The following CRIM1 variants were observed in gnomAD, a reference collection of about 807,000 sequenced individuals.
CRIM1 encodes the protein cysteine-rich motor neuron 1 protein.
Under a neutral mutation model 116.4 loss-of-function variants are expected in CRIM1, and 32 were observed. The ratio of observed to expected loss-of-function variants is 0.27; its 90% CI spans 0.21 to 0.37. The LOEUF (loss-of-function observed/expected upper bound fraction) is 0.37, where lower values mean the gene tolerates loss of function less well. Among genes scored for constraint, CRIM1 ranks in the 10% least tolerant of loss-of-function variants. The pLI is 1.00. For synonymous variants in CRIM1, 590 were observed against 509.2 expected (o/e 1.16, Z -2.13); for missense variants, 1,331 against 1,354.8 (o/e 0.98, Z 0.28).
chr2:36,390,006 T>C (rs1373080884), intron 1 of CRIM1, among the ~76,000 whole-genome samples: 3 of 152,156 alleles, frequency 2.0e-5, no homozygotes, highest in Non-Finnish European at 2.9e-5. Context: ...GTGCCCACTT[T>C]CCTGCCCTCA....
intron 1 of CRIM1, among the ~76,000 whole-genome samples, chr2:36,393,616 C>T (rs1172411348): frequency 6.6e-6 from 1 of 151,944 alleles, no homozygotes; most frequent in African/African-American, 2.4e-5. Flanking sequence ...CAGATGTTTG[C>T]GGGAGCATAG....
chr2:36,472,585 T>C (rs1678617027), intron 5 of CRIM1, among the ~76,000 whole-genome samples: 1 of 152,172 alleles, frequency 6.6e-6, no homozygotes, highest in South Asian at 2.1e-4. Flanking sequence ...ACAAGTCCAC[T>C]TGAAGCAGCT....
At chr2:36,535,916 G>C (rs1279817117) in intron 13 of CRIM1, among the ~76,000 whole-genome samples, 2 of 152,234 alleles carry the variant, frequency 1.3e-5, no homozygotes, top group African/African-American at 4.8e-5. Context: ...AGGGGGATGT[G>C]AGTAGGTATA....
intron 2 of CRIM1, among the ~76,000 whole-genome samples, chr2:36,421,008 C>T (rs1674018310): frequency 6.6e-6 from 1 of 152,194 alleles, no homozygotes; most frequent in Non-Finnish European, 1.5e-5. Flanking sequence ...GCAGCTGAGA[C>T]CTCTACGTGA....
chr2:36,437,428 T>C (rs1675404317), intron 2 of CRIM1, among the ~76,000 whole-genome samples: 2 of 151,532 alleles, frequency 1.3e-5, no homozygotes, highest in Admixed American at 1.3e-4. Flanking sequence ...AAGGCCAACA[T>C]AAAAAGAGAG....
At chr2:36,512,516 G>A (rs1664758016) in intron 10 of CRIM1, 122 bp downstream of exon 10, 1 of 1,074,716 alleles carries the variant, frequency 9.3e-7, no homozygotes, top group Non-Finnish European at 1.3e-6. Flanking sequence ...ACAAATGTCA[G>A]TCTCTGTGGG....
At chr2:36,545,067 T>C (rs941798955) in intron 15 of CRIM1, among the ~76,000 whole-genome samples, 1 of 152,222 alleles carries the variant, frequency 6.6e-6, no homozygotes, top group African/African-American at 2.4e-5. Flanking sequence ...GCTGTCACTA[T>C]TTCCTTTTCT....
intron 1 of CRIM1, 47 bp from the exon 2 acceptor site, chr2:36,396,567 G>C (rs1353371812): frequency 7.3e-7 from 1 of 1,372,386 alleles, no homozygotes; most frequent in Non-Finnish European, 9.9e-7. Context: ...ACAGGCCTTT[G>C]AATGAAGCTG....
At chr2:36,494,450 T>C (rs530147509) in intron 7 of CRIM1, among the ~76,000 whole-genome samples, 5 of 152,344 alleles carry the variant, frequency 3.3e-5, no homozygotes, top group Admixed American at 3.3e-4. Context: ...TGTGTTTGTG[T>C]ATGTTATTGC....
At chr2:36,359,360 CTGTT>C (rs1403719517) in intron 1 of CRIM1, among the ~76,000 whole-genome samples, 1 of 152,218 alleles carries the variant, frequency 6.6e-6, no homozygotes, top group African/African-American at 2.4e-5. Flanking sequence ...ATTATATTCT[CTGTT>C]TGCCAACTTG....
At chr2:36,486,343 G>T (rs977599314) in intron 7 of CRIM1, among the ~76,000 whole-genome samples, 2 of 152,172 alleles carry the variant, frequency 1.3e-5, no homozygotes, top group Non-Finnish European at 2.9e-5. Flanking sequence ...TAGGAGTTCT[G>T]CTGCTGGTTC....
intron 2 of CRIM1, among the ~76,000 whole-genome samples, chr2:36,438,368 A>G (rs549997750): frequency 1.3e-5 from 2 of 152,354 alleles, no homozygotes; most frequent in Non-Finnish European, 2.9e-5. Context: ...TAATTATAAA[A>G]CAATGTGTTT....
At chr2:36,540,539 G>A (rs945737157) in intron 14 of CRIM1, among the ~76,000 whole-genome samples, 3 of 152,056 alleles carry the variant, frequency 2.0e-5, no homozygotes, top group Non-Finnish European at 4.4e-5. Flanking sequence ...GTCAAGGCCA[G>A]TGCCTCTGGA....
intron 4 of CRIM1, among the ~76,000 whole-genome samples, chr2:36,456,785 C>A (rs946940801): frequency 6.6e-6 from 1 of 152,134 alleles, no homozygotes; most frequent in Non-Finnish European, 1.5e-5. Context: ...CTCCACCCCC[C>A]CACCACCCAC....
At chr2:36,446,713 G>A (rs1318867108) in intron 4 of CRIM1, among the ~76,000 whole-genome samples, 1 of 151,756 alleles carries the variant, frequency 6.6e-6, no homozygotes, top group Non-Finnish European at 1.5e-5. Flanking sequence ...TTGGCATGAA[G>A]ACATGATATG....
intron 4 of CRIM1, among the ~76,000 whole-genome samples, chr2:36,450,049 T>C (rs981577693): frequency 1.3e-5 from 2 of 152,204 alleles, no homozygotes; most frequent in Non-Finnish European, 2.9e-5. Flanking sequence ...CCTTTTTTTT[T>C]TCTTTACATC....
intron 1 of CRIM1, among the ~76,000 whole-genome samples, chr2:36,363,589 A>G (rs1669387937): frequency 7.3e-6 from 1 of 137,186 alleles, no homozygotes; most frequent in South Asian, 2.5e-4. Flanking sequence ...CAAAGTTTGT[A>G]TATTTTGAGT....
At chr2:36,498,573 C>T (rs1558372022) in intron 7 of CRIM1, among the ~76,000 whole-genome samples, 3 of 152,130 alleles carry the variant, frequency 2.0e-5, no homozygotes, top group Admixed American at 2.0e-4. Context: ...TTGTTTAGTG[C>T]CCTTATTCCC....
In CRIM1 at chr2:36,375,985, T is replaced by C. The variant is rs560779917; in HGVS notation, c.331+19362T>C. 2.0e-5 allele frequency among the ~76,000 whole-genome samples: 3 copies of C among 152,248 alleles called. No homozygotes were observed. In the South Asian group the frequency reaches 6.2e-4, roughly 32 times the overall value. On this transcript the variant is annotated intron_variant, in intron 1 of 16. Coordinates refer to ENST00000280527, the MANE Select transcript of CRIM1 (RefSeq NM_016441.3). ...ATTTGGCACCCACCATAACCACCAC[T>C]ACCAAAATATGTATGCTGAAATTGT... is the stretch of plus-strand genomic sequence containing the variant.
Sources: allele counts gnomAD v4.1 joint callset (sites outside exome capture counted in the v4.1 genomes callset), GRCh38; gene constraint gnomAD v4.1.1; transcripts MANE v1.5; gene names NCBI Gene and HGNC (gene_info 2026-07-23, HGNC 2026-07-21).